The following LY6S variants were observed in gnomAD, a reference collection of about 807,000 sequenced individuals.
LY6S encodes lymphocyte antigen 6S.
At chr8:143,074,997 G>A in the LY6S span, among the ~76,000 whole-genome samples, 1 of 151,744 alleles carries the variant, frequency 6.6e-6, no homozygotes, top group African/African-American at 2.4e-5. Flanking sequence ...TTTTCTCATT[G>A]TTGAAATAGA....
the LY6S span, among the ~76,000 whole-genome samples, chr8:143,065,476 G>A: frequency 6.6e-6 from 1 of 152,118 alleles, no homozygotes; most frequent in East Asian, 1.9e-4. Flanking sequence ...ATGGATAAAT[G>A]TATGAAATTT....
At chr8:143,060,750 C>T in the LY6S span, among the ~76,000 whole-genome samples, 6 of 152,274 alleles carry the variant, frequency 3.9e-5, no homozygotes, top group South Asian at 2.1e-4. Context: ...TTTATTTCTA[C>T]GATCTCTCAT....
At chr8:143,068,137 T>C in the LY6S span, among the ~76,000 whole-genome samples, 1 of 152,218 alleles carries the variant, frequency 6.6e-6, no homozygotes, top group Non-Finnish European at 1.5e-5. Context: ...GCAGGCTTTC[T>C]TGGGCAGAGG....
chr8:143,073,310 C>T, the LY6S span, among the ~76,000 whole-genome samples: 8,339 of 45,078 alleles, frequency 0.18, 217 homozygotes, highest in Middle Eastern at 0.28. Flanking sequence ...GGCTCCTGTT[C>T]GAGGAGACAG....
At chr8:143,065,218 C>T in the LY6S span, among the ~76,000 whole-genome samples, 1 of 152,166 alleles carries the variant, frequency 6.6e-6, no homozygotes, top group Non-Finnish European at 1.5e-5. Context: ...TGCTGCTTCC[C>T]TGTACTCTGG....
chr8:143,066,229 C>T, the LY6S span: 16 of 226,370 alleles, frequency 7.1e-5, no homozygotes, highest in Admixed American at 2.3e-4. Context: ...AGTGCAGAGG[C>T]GCAATCTCAG....
the LY6S span, chr8:143,066,098 T>C: frequency 2.4e-6 from 1 of 416,040 alleles, no homozygotes. Flanking sequence ...AGACACTCGC[T>C]TCGGAAATGT....
the LY6S span, among the ~76,000 whole-genome samples, chr8:143,070,262 A>C: frequency 6.7e-6 from 1 of 150,038 alleles, no homozygotes. Context: ...CCCTATTTTC[A>C]AATGCTATCA....
At chr8:143,065,977 T>A in the LY6S span, 1,374 of 333,178 alleles carry the variant, frequency 4.1e-3, 15 homozygotes, top group African/African-American at 0.028. Flanking sequence ...GGCGGGGGTG[T>A]TCGGTCCTTG....
the LY6S span, chr8:143,043,249 C>T: frequency 3.7e-6 from 5 of 1,364,830 alleles, no homozygotes; most frequent in Admixed American, 5.7e-5. Context: ...ATCTGGGAGT[C>T]CACAACGGCA....
the LY6S span, among the ~76,000 whole-genome samples, chr8:143,070,444 T>TA: frequency 1.8e-4 from 10 of 56,548 alleles, no homozygotes; most frequent in African/African-American, 9.5e-4. Flanking sequence ...TATATATATA[T>TA]TGTATATATA....
the LY6S span, chr8:143,057,823 G>T: frequency 2.6e-6 from 2 of 760,690 alleles, no homozygotes; most frequent in South Asian, 1.4e-5. Flanking sequence ...GACTGGGTGA[G>T]ACTTTTCGGC....
chr8:143,069,116 T>A, the LY6S span, among the ~76,000 whole-genome samples: 3 of 152,074 alleles, frequency 2.0e-5, no homozygotes, highest in African/African-American at 7.2e-5. Context: ...TGGGGAATTG[T>A]CTCTGGGCTC....
chr8:143,055,199 T>G, the LY6S span, among the ~76,000 whole-genome samples: 883 of 152,296 alleles, frequency 5.8e-3, 8 homozygotes, highest in Middle Eastern at 0.01. Flanking sequence ...TTTGTTTTTT[T>G]TTTTTGTTGT....
the LY6S span, chr8:143,065,787 CTTTCTTTCTT>C: frequency 1.2e-5 from 1 of 81,204 alleles, no homozygotes; most frequent in South Asian, 3.8e-4. Flanking sequence ...CTTTCTTTTT[CTTTCTTTCTT>C]TCTTTCTTTC....
chr8:143,074,435 G>A, the LY6S span, among the ~76,000 whole-genome samples: 1 of 151,884 alleles, frequency 6.6e-6, no homozygotes, highest in African/African-American at 2.4e-5. Context: ...AATCCTTTTT[G>A]CTACTATATG....
chr8:143,068,255 A>C, the LY6S span, among the ~76,000 whole-genome samples: 1 of 152,368 alleles, frequency 6.6e-6, no homozygotes, highest in East Asian at 1.9e-4. Context: ...AACAAGGCAC[A>C]TTCTGCACAG....
At chr8:143,048,858 C>A in the LY6S span, among the ~76,000 whole-genome samples, 3 of 152,194 alleles carry the variant, frequency 2.0e-5, no homozygotes, top group African/African-American at 7.2e-5. Flanking sequence ...CTTCAACTGG[C>A]GTTCTTTGCT....
At chr8:143,073,424 C>T in the LY6S span, among the ~76,000 whole-genome samples, 14 of 145,036 alleles carry the variant, frequency 9.7e-5, no homozygotes, top group African/African-American at 3.3e-4. Context: ...AGGAGACAGC[C>T]GTCGTCCTCG....
Sources: allele counts gnomAD v4.1 joint callset (sites outside exome capture counted in the v4.1 genomes callset), GRCh38; gene constraint gnomAD v4.1.1; transcripts MANE v1.5; gene names NCBI Gene and HGNC (gene_info 2026-07-23, HGNC 2026-07-21).